The following ITGA9 variants were observed in gnomAD, a reference collection of about 807,000 sequenced individuals.
The protein encoded by ITGA9 is integrin subunit alpha 9.
ITGA9 carries 56 observed loss-of-function variants against 127.8 expected under a neutral mutation model. That is an observed-to-expected ratio of 0.44 (90% CI 0.35 to 0.55). The LOEUF is 0.55. Ranked by LOEUF, ITGA9 falls within the 20% of genes least tolerant of loss-of-function variation. The probability of loss-of-function intolerance (pLI) is 0.00; values close to 1 mark genes in which losing one functional copy is unlikely to be tolerated. For synonymous variants in ITGA9, 508 were observed against 514.5 expected, an observed-to-expected ratio of 0.99 and a Z score of 0.17; for missense variants, 1,196 against 1,347.1, an observed-to-expected ratio of 0.89 and a Z score of 1.76.
At chr3:37,755,926 A>T (rs1397615205) in intron 23 of ITGA9, among the ~76,000 whole-genome samples, 1 of 152,178 alleles carries the variant, frequency 6.6e-6, no homozygotes, top group Non-Finnish European at 1.5e-5. Flanking sequence ...CCACTAAAGA[A>T]GAAGAATTTA....
intron 18 of ITGA9, among the ~76,000 whole-genome samples, chr3:37,724,565 G>A (rs1006359508): frequency 2.6e-5 from 4 of 152,112 alleles, no homozygotes; most frequent in Middle Eastern, 3.4e-3. Flanking sequence ...GTGCAAACTC[G>A]GCTTACTGCA....
At chr3:37,607,832 G>A (rs1327475200) in intron 15 of ITGA9, among the ~76,000 whole-genome samples, 1 of 152,166 alleles carries the variant, frequency 6.6e-6, no homozygotes, top group Non-Finnish European at 1.5e-5. Context: ...GTGACATCAG[G>A]GGGCGGGGAC....
At chr3:37,578,773 G>A (rs1279655345) in intron 15 of ITGA9, among the ~76,000 whole-genome samples, 1 of 152,090 alleles carries the variant, frequency 6.6e-6, no homozygotes, top group African/African-American at 2.4e-5. Flanking sequence ...AGCTATTTCT[G>A]TATCCAGGTC....
chr3:37,707,857 C>G (rs1003421401), intron 18 of ITGA9, among the ~76,000 whole-genome samples: 1 of 152,168 alleles, frequency 6.6e-6, no homozygotes, highest in African/African-American at 2.4e-5. Context: ...CAGGCAAGGG[C>G]TGCCCTGCCC....
chr3:37,576,331 C>T (rs1206350596), intron 15 of ITGA9, among the ~76,000 whole-genome samples: 1 of 152,198 alleles, frequency 6.6e-6, no homozygotes, highest in Non-Finnish European at 1.5e-5. Flanking sequence ...AGATGCACTT[C>T]CTGTGAATGA....
intron 15 of ITGA9, among the ~76,000 whole-genome samples, chr3:37,624,072 T>TAA (rs1180760018): frequency 6.6e-6 from 1 of 152,104 alleles, no homozygotes; most frequent in Non-Finnish European, 1.5e-5. Flanking sequence ...ACTAATTATC[T>TAA]GGCTTAATGC....
chr3:37,626,845 A>G (rs1236321142), intron 15 of ITGA9, among the ~76,000 whole-genome samples: 1 of 152,248 alleles, frequency 6.6e-6, no homozygotes, highest in African/African-American at 2.4e-5. Context: ...CTCCCCTAGA[A>G]TAACAACATC....
chr3:37,485,704 T>G (rs1179850489), intron 4 of ITGA9, among the ~76,000 whole-genome samples: 1 of 152,156 alleles, frequency 6.6e-6, no homozygotes, highest in Non-Finnish European at 1.5e-5. Context: ...TCTTAAAAAA[T>G]TGGTCTCTGG....
At chr3:37,536,161 G>A (rs1699206109) in intron 14 of ITGA9, among the ~76,000 whole-genome samples, 1 of 152,242 alleles carries the variant, frequency 6.6e-6, no homozygotes, top group African/African-American at 2.4e-5. Flanking sequence ...AAGCTCAGCA[G>A]AGGGTGCTGG....
chr3:37,582,234 T>A (rs1226617505), intron 15 of ITGA9, among the ~76,000 whole-genome samples: 1 of 152,232 alleles, frequency 6.6e-6, no homozygotes, highest in Non-Finnish European at 1.5e-5. Context: ...CTCTAAAGCA[T>A]ATTTCAAGAG....
chr3:37,726,440 C>T (rs879579068), intron 18 of ITGA9, among the ~76,000 whole-genome samples: 3 of 152,216 alleles, frequency 2.0e-5, no homozygotes, highest in Non-Finnish European at 4.4e-5. Flanking sequence ...CAAAGAGCAC[C>T]ATATTCGTGG....
chr3:37,767,544 T>A (rs1204238404), intron 23 of ITGA9, among the ~76,000 whole-genome samples: 1 of 152,244 alleles, frequency 6.6e-6, no homozygotes, highest in Non-Finnish European at 1.5e-5. Flanking sequence ...TCTGCAGGTT[T>A]GGAGTGGGCT....
intron 15 of ITGA9, among the ~76,000 whole-genome samples, chr3:37,548,751 G>T (rs1244345608): frequency 6.6e-6 from 1 of 152,290 alleles, no homozygotes; most frequent in East Asian, 1.9e-4. Context: ...TGCTCTCTAA[G>T]GTGACCTTGG....
chr3:37,481,294 C>T (rs1254289116), intron 3 of ITGA9, among the ~76,000 whole-genome samples, 190 bp from the exon 4 acceptor site: 1 of 152,190 alleles, frequency 6.6e-6, no homozygotes, highest in African/African-American at 2.4e-5. Context: ...TCCTAGTAGG[C>T]TCCCAGTGGC....
At chr3:37,781,604 G>A in intron 25 of ITGA9, among the ~76,000 whole-genome samples, 1 of 152,236 alleles carries the variant, frequency 6.6e-6, no homozygotes. Flanking sequence ...ATTTTAAGGT[G>A]AGAGCTGCTG....
At chr3:37,637,411 C>T (rs1369301112) in intron 16 of ITGA9, among the ~76,000 whole-genome samples, 3 of 152,054 alleles carry the variant, frequency 2.0e-5, no homozygotes, top group South Asian at 4.2e-4. Flanking sequence ...AATGGGAGTT[C>T]ACTCATGATT....
At chr3:37,797,215 C>T (rs1349317536) in intron 26 of ITGA9, among the ~76,000 whole-genome samples, 1 of 151,914 alleles carries the variant, frequency 6.6e-6, no homozygotes, top group Admixed American at 6.6e-5. Context: ...GCCTGTAGTC[C>T]CAGCTACTTG....
At chr3:37,562,613 A>G (rs558784628) in intron 15 of ITGA9, among the ~76,000 whole-genome samples, 136 of 152,286 alleles carry the variant, frequency 8.9e-4, no homozygotes, top group African/African-American at 2.9e-3. Flanking sequence ...AGTTTCCTCA[A>G]ATTGGTCAGT....
At chr3:37,741,842 GC>G in intron 21 of ITGA9, 23 bp downstream of exon 21, 1 of 1,591,638 alleles carries the variant, frequency 6.3e-7, no homozygotes, top group Non-Finnish European at 8.6e-7. Context: ...GTCCTGGGTT[GC>G]CACAACACAG....
Sources: allele counts gnomAD v4.1 joint callset (sites outside exome capture counted in the v4.1 genomes callset), GRCh38; gene constraint gnomAD v4.1.1; transcripts MANE v1.5; gene names NCBI Gene and HGNC (gene_info 2026-07-23, HGNC 2026-07-21).